TMED10: variants seen among roughly 807,000 people sequenced by gnomAD.
TMED10 encodes the protein transmembrane emp24 domain-containing protein 10.
A neutral mutation model predicts 23.1 loss-of-function variants in TMED10; 7 were observed. The ratio of observed to expected loss-of-function variants is 0.30; its 90% CI spans 0.17 to 0.57. The LOEUF is 0.57. TMED10 is among the 20% of genes least tolerant of loss of function. The pLI, the probability that TMED10 is intolerant of heterozygous loss-of-function variation, is 0.91. For synonymous variants in TMED10, 113 were observed against 106.9 expected (o/e 1.06, Z -0.35); for missense variants, 162 against 274.8 (o/e 0.59, Z 2.90).
intron 1 of TMED10, 120 bp from the exon 2 acceptor site, chr14:75,152,263 C>A (rs1895963681): frequency 2.6e-6 from 2 of 757,004 alleles, no homozygotes; most frequent in Non-Finnish European, 4.2e-6. Flanking sequence ...ATTATGATGA[C>A]TATGTTCCAA....
chr14:75,176,251 G>C, intron 1 of TMED10, 104 bp downstream of exon 1: 1 of 1,437,602 alleles, frequency 7.0e-7, no homozygotes, highest in South Asian at 1.2e-5. Flanking sequence ...CGGGAGGCCA[G>C]AACAACTCCC....
At chr14:75,137,691 A>T (rs175440) in intron 3 of TMED10, among the ~76,000 whole-genome samples, 130,727 of 136,178 alleles carry the variant, frequency 0.96, 62,950 homozygotes, top group Middle Eastern at 1. Context: ...AAAAAAAAAA[A>T]TTCTGTTTCT....
At chr14:75,171,164 T>C (rs1896228117) in intron 1 of TMED10, among the ~76,000 whole-genome samples, 1 of 148,982 alleles carries the variant, frequency 6.7e-6, no homozygotes, top group Admixed American at 6.7e-5. Context: ...TGAGATGAGA[T>C]GATGATAGCC....
chr14:75,133,053 A>T lies in TMED10; in HGVS notation c.*1832T>A, dbSNP rs1161186773. On this transcript the variant is annotated 3_prime_UTR_variant, in exon 5 of 5. Coordinates refer to ENST00000303575, the MANE Select transcript of TMED10 (RefSeq NM_006827.6). ...AGTGATTATTGGCTTTGCTTTCATA[A>T]CATGTATTTTTAAGTATTTACTCTC... 1 of 152,204 alleles carries T rather than the reference A, an allele frequency of 6.6e-6. No individual in the cohort carries two copies. The highest frequency in any genetic ancestry group is 2.4e-5 in the African/African-American group (1 of 41,462). 9.4% of individuals were successfully genotyped at this position (152,204 alleles called of 1,614,324 possible).
intron 1 of TMED10, among the ~76,000 whole-genome samples, chr14:75,162,643 A>C (rs1404855475): frequency 1.3e-5 from 2 of 152,192 alleles, no homozygotes; most frequent in Non-Finnish European, 1.5e-5. Context: ...GGACTGACCA[A>C]AACATCATTA....
intron 1 of TMED10, 185 bp downstream of exon 1, chr14:75,176,170 A>ACCCGC (rs888634273): frequency 2.3e-5 from 16 of 694,408 alleles, no homozygotes; most frequent in Admixed American, 1.2e-4. Context: ...GGCGTTGGTG[A>ACCCGC]CCCGCCCCGC....
intron 1 of TMED10, among the ~76,000 whole-genome samples, chr14:75,158,542 G>C (rs889352905): frequency 2.6e-5 from 4 of 151,956 alleles, no homozygotes. Flanking sequence ...TGCCCAGGCT[G>C]GTCTCGAACT....
At chr14:75,145,614 C>T (rs1385133815) in intron 3 of TMED10, among the ~76,000 whole-genome samples, 6 of 152,138 alleles carry the variant, frequency 3.9e-5, no homozygotes, top group South Asian at 2.1e-4. Flanking sequence ...GGTGAAACCC[C>T]GTCTCTACTA....
chr14:75,150,820 G>T (rs1238166710), intron 2 of TMED10, among the ~76,000 whole-genome samples: 1 of 152,150 alleles, frequency 6.6e-6, no homozygotes, highest in African/African-American at 2.4e-5. Flanking sequence ...TATCCTCTTA[G>T]CTGACATCAT....
intron 1 of TMED10, among the ~76,000 whole-genome samples, chr14:75,153,364 C>G (rs964146546): frequency 1.3e-5 from 2 of 152,094 alleles, no homozygotes; most frequent in Non-Finnish European, 2.9e-5. Flanking sequence ...TTCCTTTCTT[C>G]TAGATCCTTA....
At chr14:75,173,983 G>A (rs1594877652) in intron 1 of TMED10, among the ~76,000 whole-genome samples, 1 of 152,146 alleles carries the variant, frequency 6.6e-6, no homozygotes, top group Admixed American at 6.6e-5. Context: ...CACCCGCCTC[G>A]GCCTCCCAAA....
chr14:75,137,940 C>T (rs927924129), intron 3 of TMED10, among the ~76,000 whole-genome samples: 3 of 152,024 alleles, frequency 2.0e-5, no homozygotes, highest in Admixed American at 2.0e-4. Context: ...AACTCCTAAC[C>T]TCAGGTGATC....
intron 1 of TMED10, among the ~76,000 whole-genome samples, chr14:75,158,088 T>C (rs766067497): frequency 3.9e-5 from 6 of 152,212 alleles, no homozygotes; most frequent in East Asian, 1.9e-4. Context: ...GAAAGACTAA[T>C]AGAATCTTTG....
At chr14:75,163,326 G>T (rs1227748670) in intron 1 of TMED10, among the ~76,000 whole-genome samples, 2 of 152,000 alleles carry the variant, frequency 1.3e-5, no homozygotes, top group Non-Finnish European at 2.9e-5. Flanking sequence ...GTTGAGGCAG[G>T]CAGATCACTT....
At chr14:75,167,003 G>A (rs1415883562) in intron 1 of TMED10, among the ~76,000 whole-genome samples, 2 of 147,090 alleles carry the variant, frequency 1.4e-5, no homozygotes, top group African/African-American at 2.5e-5. Context: ...GTGCAGTGGC[G>A]TGATCTCGGC....
chr14:75,153,765 AT>A (rs1345883312), intron 1 of TMED10, among the ~76,000 whole-genome samples: 41 of 107,710 alleles, frequency 3.8e-4, no homozygotes, highest in African/African-American at 1.0e-3. Context: ...GAGACTTTCT[AT>A]TTTTTTTTCC....
chr14:75,163,279 G>A (rs914851538), intron 1 of TMED10, among the ~76,000 whole-genome samples: 6 of 151,796 alleles, frequency 4.0e-5, no homozygotes, highest in Admixed American at 6.6e-5. Context: ...CGGGCCAGGC[G>A]CGGTGGCTCA....
chr14:75,147,518 A>T, intron 3 of TMED10, 146 bp downstream of exon 3: 1 of 861,968 alleles, frequency 1.2e-6, no homozygotes, highest in Admixed American at 1.9e-5. Context: ...CACTTTTTGT[A>T]TCAGTAAGAT....
intron 3 of TMED10, among the ~76,000 whole-genome samples, chr14:75,139,713 A>T (rs551407190): frequency 6.6e-6 from 1 of 152,088 alleles, no homozygotes; most frequent in African/African-American, 2.4e-5. Flanking sequence ...AGTGGGATGA[A>T]GGTCTCATTT....
Sources: allele counts gnomAD v4.1 joint callset (sites outside exome capture counted in the v4.1 genomes callset), GRCh38; gene constraint gnomAD v4.1.1; transcripts MANE v1.5; gene names NCBI Gene and HGNC (gene_info 2026-07-23, HGNC 2026-07-21).